Variants in UVRAG observed in about 807,000 individuals in gnomAD.
UVRAG encodes UV radiation resistance-associated gene protein.
A neutral mutation model predicts 78.0 loss-of-function variants in UVRAG; 19 were observed. That is an observed-to-expected ratio of 0.24 (90% CI 0.17 to 0.36). The LOEUF (loss-of-function observed/expected upper bound fraction) is 0.36, where lower values mean the gene tolerates loss of function less well. Ranked by LOEUF, UVRAG falls within the 10% of genes least tolerant of loss-of-function variation. The probability of loss-of-function intolerance (pLI) is 1.00; values close to 1 mark genes in which losing one functional copy is unlikely to be tolerated. For missense variants in UVRAG, 740 were observed against 853.8 expected, an observed-to-expected ratio of 0.87 and a Z score of 1.66; for synonymous variants, 323 against 324.6, an observed-to-expected ratio of 1.00 and a Z score of 0.05.
intron 6 of UVRAG, among the ~76,000 whole-genome samples, chr11:75,956,373 A>G (rs988444426): frequency 6.6e-6 from 1 of 150,432 alleles, no homozygotes; most frequent in African/African-American, 2.5e-5. Context: ...GTGCAAAAGT[A>G]ATTGCAATTC....
At chr11:76,110,721 C>T (rs1952053597) in intron 13 of UVRAG, among the ~76,000 whole-genome samples, 1 of 151,826 alleles carries the variant, frequency 6.6e-6, no homozygotes. Context: ...TATAGGATGC[C>T]TAGAGAGAGA....
At chr11:75,999,881 A>G (rs1269071003) in intron 8 of UVRAG, among the ~76,000 whole-genome samples, 2 of 152,168 alleles carry the variant, frequency 1.3e-5, no homozygotes, top group African/African-American at 4.8e-5. Context: ...GTATAATGCA[A>G]ATATTCCAAA....
At chr11:76,019,514 C>T (rs930313772) in intron 12 of UVRAG, among the ~76,000 whole-genome samples, 5 of 152,180 alleles carry the variant, frequency 3.3e-5, no homozygotes, top group African/African-American at 9.7e-5. Flanking sequence ...TTTGAAAGGA[C>T]TTGGATGTTG....
At chr11:75,854,429 T>A (rs1946238215) in intron 2 of UVRAG, among the ~76,000 whole-genome samples, 1 of 152,182 alleles carries the variant, frequency 6.6e-6, no homozygotes, top group African/African-American at 2.4e-5. Context: ...TATTTATTTA[T>A]TTTTGAGATG....
chr11:75,939,495 G>A lies in UVRAG; in HGVS notation c.594-21949G>A, dbSNP rs11236583. On this transcript the variant is annotated intron_variant, in intron 6 of 14. Transcript: ENST00000356136. ...TTGAACCATATATTTTGGCCTTCCCGTTGAATGTCTTTTTCACTATAGCAG... is the reference window on the plus strand; with the variant it reads ...TTGAACCATATATTTTGGCCTTCCCATTGAATGTCTTTTTCACTATAGCAG... Among the ~76,000 whole-genome samples, 450 of 152,176 alleles carry A rather than the reference G, an allele frequency of 3.0e-3. 7 individuals carry two copies. In the East Asian group the frequency reaches 0.054, roughly 18 times the overall value.
chr11:75,905,668 A>G (rs1344878655), intron 5 of UVRAG, among the ~76,000 whole-genome samples: 1 of 152,160 alleles, frequency 6.6e-6, no homozygotes, highest in African/African-American at 2.4e-5. Context: ...GTGTACACAC[A>G]CAGAGACACA....
intron 14 of UVRAG, among the ~76,000 whole-genome samples, chr11:76,123,758 G>GTTGTT (rs141660604): frequency 0.038 from 5,756 of 151,750 alleles, 374 homozygotes; most frequent in African/African-American, 0.13. Flanking sequence ...TTGAGTATCA[G>GTTGTT]TTGTTTTGTT....
At chr11:76,119,807 T>C (rs749161145) in intron 14 of UVRAG, among the ~76,000 whole-genome samples, 15 of 152,246 alleles carry the variant, frequency 9.9e-5, no homozygotes, top group Non-Finnish European at 1.8e-4. Flanking sequence ...CCTGCCTCTG[T>C]CCACTCTCCA....
At chr11:75,973,032 T>C (rs1017722567) in intron 7 of UVRAG, among the ~76,000 whole-genome samples, 2 of 152,216 alleles carry the variant, frequency 1.3e-5, no homozygotes, top group African/African-American at 2.4e-5. Context: ...CTTTTCTTTC[T>C]TTTTCTTGTC....
chr11:75,928,127 G>A (rs1948153910), intron 6 of UVRAG, among the ~76,000 whole-genome samples: 1 of 152,072 alleles, frequency 6.6e-6, no homozygotes, highest in Non-Finnish European at 1.5e-5. Flanking sequence ...AAATGCCTTT[G>A]GTGTGGAGAA....
chr11:75,997,896 A>G (rs898116778), intron 8 of UVRAG, among the ~76,000 whole-genome samples: 1 of 152,188 alleles, frequency 6.6e-6, no homozygotes, highest in Non-Finnish European at 1.5e-5. Context: ...GCAGCTTTCT[A>G]TAACATTTGC....
intron 7 of UVRAG, among the ~76,000 whole-genome samples, chr11:75,967,651 C>G (rs1949049958): frequency 6.6e-6 from 1 of 152,062 alleles, no homozygotes; most frequent in Non-Finnish European, 1.5e-5. Context: ...GAAAAATAAG[C>G]ATATTTTTCT....
At chr11:75,854,572 A>G (rs922161025) in intron 2 of UVRAG, among the ~76,000 whole-genome samples, 2 of 152,052 alleles carry the variant, frequency 1.3e-5, no homozygotes, top group East Asian at 3.9e-4. Context: ...ATGCGCCACC[A>G]CACCCAGCTA....
chr11:75,963,908 ACCTGAG>A (rs1289502030), intron 7 of UVRAG, among the ~76,000 whole-genome samples: 13 of 152,218 alleles, frequency 8.5e-5, no homozygotes, highest in African/African-American at 3.1e-4. Context: ...TGGTCCTCTC[ACCTGAG>A]CCTCCCGAGT....
At chr11:75,934,252 A>G (rs1389866078) in intron 6 of UVRAG, among the ~76,000 whole-genome samples, 1 of 152,222 alleles carries the variant, frequency 6.6e-6, no homozygotes, top group Non-Finnish European at 1.5e-5. Context: ...CAAGACAAAC[A>G]TCACATGTTC....
At chr11:76,127,314 G>A (rs1278569531) in intron 14 of UVRAG, among the ~76,000 whole-genome samples, 2 of 152,152 alleles carry the variant, frequency 1.3e-5, no homozygotes, top group Admixed American at 6.5e-5. Context: ...ACTTAGATTG[G>A]CATGGTTAAA....
intron 12 of UVRAG, among the ~76,000 whole-genome samples, chr11:76,041,080 A>G (rs1010895172): frequency 6.6e-6 from 1 of 152,238 alleles, no homozygotes; most frequent in African/African-American, 2.4e-5. Context: ...AAAAATTCCA[A>G]TGCAAGAACC....
intron 14 of UVRAG, among the ~76,000 whole-genome samples, chr11:76,133,206 A>C (rs1054218562): frequency 6.6e-6 from 1 of 152,190 alleles, no homozygotes; most frequent in Non-Finnish European, 1.5e-5. Context: ...TTTTACTTGT[A>C]TATCTCATTT....
At chr11:75,828,746 T>TAC (rs1555069635) in intron 1 of UVRAG, among the ~76,000 whole-genome samples, 1,202 of 90,526 alleles carry the variant, frequency 0.013, 13 homozygotes, top group East Asian at 0.073. Context: ...TATATATATA[T>TAC]ACACACACAT....
Sources: gnomAD v4.1 joint callset for allele counts (sites outside exome capture counted in the v4.1 genomes callset) on GRCh38, gnomAD v4.1.1 for gene constraint, MANE v1.5 for transcripts, NCBI Gene and HGNC (gene_info 2026-07-23, HGNC 2026-07-21) for gene names.